CERS6: variants seen among roughly 807,000 people sequenced by gnomAD.
CERS6 encodes LAG1 homolog, ceramide synthase 6.
Under a neutral mutation model 56.8 loss-of-function variants are expected in CERS6, and 26 were observed. The observed-to-expected ratio is 0.46, with a 90% CI of 0.34 to 0.63. CERS6 has a LOEUF of 0.63. Among genes scored for constraint, CERS6 ranks in the 30% least tolerant of loss-of-function variants. The pLI is 0.01. For synonymous variants in CERS6, 164 were observed against 173.3 expected, an observed-to-expected ratio of 0.95 and a Z score of 0.42; for missense variants, 415 against 467.5, an observed-to-expected ratio of 0.89 and a Z score of 1.04.
At chr2:168,711,751 T>TAAAAAAA (rs1687097650) in intron 6 of CERS6, among the ~76,000 whole-genome samples, 2 of 106,940 alleles carry the variant, frequency 1.9e-5, no homozygotes, top group Non-Finnish European at 4.4e-5. Context: ...AAAAAAAAAG[T>TAAAAAAA]ATAGTTAGGA....
chr2:168,741,548 T>A (rs1683906870), intron 8 of CERS6, among the ~76,000 whole-genome samples: 1 of 152,158 alleles, frequency 6.6e-6, no homozygotes, highest in Non-Finnish European at 1.5e-5. Flanking sequence ...CACAATGTTT[T>A]AAGAAAGTTT....
In CERS6 at chr2:168,499,801, A is replaced by G. The variant is rs1321440764; in HGVS notation, c.170+43183A>G. 2.6e-5 allele frequency among the ~76,000 whole-genome samples: 4 copies of G among 152,064 alleles called. 1 individual carries two copies. Among genetic ancestry groups the G allele is most frequent in the Middle Eastern group, 6.3e-3 (2 of 316 alleles). ...CCAATAGATTTCTTATCATGTCTCTATTTGCATAAACCCCGTAACCGGGAA... is the reference window on the plus strand; with the variant it reads ...CCAATAGATTTCTTATCATGTCTCTGTTTGCATAAACCCCGTAACCGGGAA... On this transcript the variant is annotated intron_variant, in intron 1 of 9. Transcript: ENST00000305747.
In CERS6 at chr2:168,535,691, A is replaced by G. The variant is rs546628617; in HGVS notation, c.171-11905A>G. Among the ~76,000 whole-genome samples the G allele has an allele frequency of 2.7e-4, 27 of 100,724 alleles. No homozygotes were observed. In the East Asian group the frequency reaches 0.011, roughly 39 times the overall value. 66.1% of individuals were successfully genotyped at this position (100,724 alleles called of 152,430 possible). A position where few individuals can be genotyped will look rare whatever the true frequency, so the allele number is the denominator to read the frequency against. On this transcript the variant is annotated intron_variant, in intron 1 of 9. Transcript: ENST00000305747. ...CCAGTTTTTTTTTTTTTTTTTTTGA[A>G]TGAGGATGACCATCTTTTCATATGT...
At chr2:168,689,960 G>A (rs1686456406) in intron 4 of CERS6, among the ~76,000 whole-genome samples, 2 of 152,132 alleles carry the variant, frequency 1.3e-5, no homozygotes, top group Non-Finnish European at 2.9e-5. Flanking sequence ...CTTTGGCACT[G>A]CCTAGCTATT....
intron 3 of CERS6, among the ~76,000 whole-genome samples, chr2:168,608,973 G>T (rs1313652012): frequency 6.6e-6 from 1 of 152,150 alleles, no homozygotes; most frequent in Non-Finnish European, 1.5e-5. Context: ...TCAGTGTCAG[G>T]GTTGGTCACC....
At chr2:168,624,822 C>T (rs1249955052) in intron 3 of CERS6, among the ~76,000 whole-genome samples, 1 of 152,044 alleles carries the variant, frequency 6.6e-6, no homozygotes, top group South Asian at 2.1e-4. Context: ...TATCTTGTAG[C>T]TTTGTTCATA....
intron 3 of CERS6, among the ~76,000 whole-genome samples, chr2:168,622,655 A>G (rs1017606884): frequency 6.6e-6 from 1 of 152,196 alleles, no homozygotes; most frequent in African/African-American, 2.4e-5. Flanking sequence ...GGTTTGACTT[A>G]CCTCCAACCT....
chr2:168,756,006 A>G (rs1684406864), intron 8 of CERS6, among the ~76,000 whole-genome samples: 1 of 152,212 alleles, frequency 6.6e-6, no homozygotes. Context: ...AGCCCATGGT[A>G]ATCTGACAGC....
chr2:168,646,021 G>A (rs1196070393), intron 4 of CERS6, among the ~76,000 whole-genome samples: 1 of 152,110 alleles, frequency 6.6e-6, no homozygotes, highest in Non-Finnish European at 1.5e-5. Context: ...GTGTTTTTAT[G>A]GTGGAATGAT....
chr2:168,632,961 CTT>C (rs1016286110), intron 4 of CERS6, among the ~76,000 whole-genome samples: 2 of 152,058 alleles, frequency 1.3e-5, no homozygotes. Flanking sequence ...ACAGGAAACA[CTT>C]TGACGCTTAG....
chr2:168,726,261 G>C (rs1268749533), intron 8 of CERS6, among the ~76,000 whole-genome samples: 1 of 152,132 alleles, frequency 6.6e-6, no homozygotes, highest in Non-Finnish European at 1.5e-5. Context: ...GGGCTCTCTG[G>C]ACTCTGGTCT....
intron 1 of CERS6, among the ~76,000 whole-genome samples, chr2:168,472,253 T>A (rs140616227): frequency 6.6e-6 from 1 of 152,366 alleles, no homozygotes; most frequent in Admixed American, 6.5e-5. Flanking sequence ...GTATACCTTC[T>A]TGTACAGCTC....
intron 6 of CERS6, among the ~76,000 whole-genome samples, chr2:168,701,355 C>T (rs1039978136): frequency 1.3e-5 from 2 of 152,126 alleles, no homozygotes; most frequent in African/African-American, 4.8e-5. Context: ...CTCTTTGAAT[C>T]CCTGACAATC....
At chr2:168,708,406 G>A (rs796818872) in intron 6 of CERS6, among the ~76,000 whole-genome samples, 5 of 152,248 alleles carry the variant, frequency 3.3e-5, no homozygotes, top group African/African-American at 9.6e-5. Context: ...TACTCTGTAA[G>A]AAGTCATATA....
At chr2:168,516,274 T>C (rs1455865828) in intron 1 of CERS6, among the ~76,000 whole-genome samples, 1 of 152,154 alleles carries the variant, frequency 6.6e-6, no homozygotes, top group African/African-American at 2.4e-5. Flanking sequence ...CAGAACCCTA[T>C]AGATCACTTA....
intron 1 of CERS6, among the ~76,000 whole-genome samples, chr2:168,491,805 T>C (rs2105339266): frequency 6.7e-6 from 1 of 150,136 alleles, no homozygotes; most frequent in Middle Eastern, 3.5e-3. Context: ...CCAGTGTGTG[T>C]TTCCCTCCCT....
chr2:168,556,070 C>T (rs1695673950), intron 2 of CERS6, among the ~76,000 whole-genome samples: 1 of 151,984 alleles, frequency 6.6e-6, no homozygotes, highest in Non-Finnish European at 1.5e-5. Flanking sequence ...TATGTCATCT[C>T]ATAAAAAATT....
chr2:168,625,823 C>T (rs1308842153), intron 3 of CERS6, among the ~76,000 whole-genome samples: 1 of 152,078 alleles, frequency 6.6e-6, no homozygotes, highest in Non-Finnish European at 1.5e-5. Flanking sequence ...GTTTTAGCTA[C>T]CCTGGTATTG....
At chr2:168,496,435 G>T (rs113549005) in intron 1 of CERS6, among the ~76,000 whole-genome samples, 1 of 152,044 alleles carries the variant, frequency 6.6e-6, no homozygotes, top group Non-Finnish European at 1.5e-5. Flanking sequence ...AGATATAAGC[G>T]GGTGGTCTGA....
Sources: gnomAD v4.1 joint callset for allele counts (sites outside exome capture counted in the v4.1 genomes callset) on GRCh38, gnomAD v4.1.1 for gene constraint, MANE v1.5 for transcripts, NCBI Gene and HGNC (gene_info 2026-07-23, HGNC 2026-07-21) for gene names.